The following CREB1 variants were observed in gnomAD, a reference collection of about 807,000 sequenced individuals.
CREB1 encodes cyclic AMP-responsive element-binding protein 1.
Under a neutral mutation model 42.0 loss-of-function variants are expected in CREB1, and 2 were observed. The observed-to-expected ratio is 0.05, with a 90% CI of 0.02 to 0.15. CREB1 has a LOEUF of 0.15. Ranked by LOEUF, CREB1 falls within the 10% of genes least tolerant of loss-of-function variation. The pLI, the probability that CREB1 is intolerant of heterozygous loss-of-function variation, is 1.00. For missense variants in CREB1, 199 were observed against 388.9 expected, an observed-to-expected ratio of 0.51 and a Z score of 4.11; for synonymous variants, 123 against 139.9, an observed-to-expected ratio of 0.88 and a Z score of 0.85.
At chr2:207,572,225 C>CAAAA in intron 5 of CREB1, among the ~76,000 whole-genome samples, 1 of 98,882 alleles carries the variant, frequency 1.0e-5, no homozygotes, top group Non-Finnish European at 2.0e-5. Context: ...GATTCCGTCT[C>CAAAA]AAAAAAAAAA....
At chr2:207,586,649 C>G (rs889345608) in intron 7 of CREB1, among the ~76,000 whole-genome samples, 1 of 152,172 alleles carries the variant, frequency 6.6e-6, no homozygotes, top group African/African-American at 2.4e-5. Flanking sequence ...TATTTACAAA[C>G]TGTTCATCTG....
At chr2:207,561,041 T>C in intron 3 of CREB1, 1 of 1,279,842 alleles carries the variant, frequency 7.8e-7, no homozygotes, top group South Asian at 1.2e-5. Flanking sequence ...CAATTGAGCT[T>C]ATTGAAAAAA....
intron 7 of CREB1, chr2:207,582,890 CA>C (rs1415517554): frequency 7.7e-5 from 22 of 286,816 alleles, no homozygotes; most frequent in Non-Finnish European, 8.2e-5. Flanking sequence ...GACTCTGTCT[CA>C]AAAAAACAAA....
chr2:207,554,462 C>A (rs2081637215), intron 1 of CREB1, among the ~76,000 whole-genome samples: 1 of 152,146 alleles, frequency 6.6e-6, no homozygotes, highest in African/African-American at 2.4e-5. Context: ...TAGTCCCTCA[C>A]TATTAACAAA....
chr2:207,534,418 G>A (rs2106333836), intron 1 of CREB1, among the ~76,000 whole-genome samples: 1 of 152,266 alleles, frequency 6.6e-6, no homozygotes, highest in South Asian at 2.1e-4. Flanking sequence ...TGTGTTTTTA[G>A]TAGAGACAGG....
chr2:207,550,604 TCTTTC>T (rs760131020), intron 1 of CREB1: 19 of 152,200 alleles, frequency 1.2e-4, no homozygotes, highest in African/African-American at 2.4e-5. Flanking sequence ...AAGTATGTAT[TCTTTC>T]CTTTTGCCTA....
At chr2:207,575,197 T>A (rs1174048396) in intron 5 of CREB1, 75 bp from the exon 6 acceptor site, 2 of 1,393,940 alleles carry the variant, frequency 1.4e-6, no homozygotes, top group Non-Finnish European at 2.0e-6. Flanking sequence ...TTACAAATTA[T>A]TCTACATTGG....
chr2:207,531,796 C>G (rs1016053160), intron 1 of CREB1, among the ~76,000 whole-genome samples: 7 of 152,192 alleles, frequency 4.6e-5, no homozygotes, highest in African/African-American at 1.7e-4. Flanking sequence ...TGATTGGCAG[C>G]AGAAGCACTG....
chr2:207,587,429 A>G (rs967357157), intron 7 of CREB1, among the ~76,000 whole-genome samples: 5 of 151,936 alleles, frequency 3.3e-5, no homozygotes, highest in Admixed American at 1.3e-4. Context: ...AAACACACAA[A>G]AAATAAAAGA....
chr2:207,549,610 C>T (rs190646568), intron 1 of CREB1, among the ~76,000 whole-genome samples: 62 of 152,272 alleles, frequency 4.1e-4, no homozygotes, highest in African/African-American at 1.5e-3. Flanking sequence ...TGCAGTGGCT[C>T]ACGCCTGTAG....
At chr2:207,571,119 T>C (rs1052091992) in intron 5 of CREB1, among the ~76,000 whole-genome samples, 19 of 151,686 alleles carry the variant, frequency 1.3e-4, no homozygotes, top group Non-Finnish European at 8.8e-5. Flanking sequence ...TATACCCTTT[T>C]CCCCACCCAC....
chr2:207,578,862 C>T (rs55834243), intron 7 of CREB1, among the ~76,000 whole-genome samples: 8,284 of 152,120 alleles, frequency 0.054, 312 homozygotes, highest in Admixed American at 0.083. Context: ...GCAATCTCAG[C>T]TCACTGCAGC....
Position 207,602,013 on chromosome 2 carries a change from T to C in CREB1, c.*4955T>C, listed in dbSNP as rs1325681427. On this transcript the variant is annotated 3_prime_UTR_variant, in exon 8 of 8. Coordinates refer to ENST00000353267, the MANE Select transcript of CREB1 (RefSeq NM_004379.5). ...ATTAATCTTTGAGGGGCTGAACATA[T>C]CATGAAGCTGAGTCAGTATGGAAAA... 2 of 206,268 alleles carry C rather than the reference T, an allele frequency of 9.7e-6. No individual in the cohort carries two copies. Among genetic ancestry groups the C allele is most frequent in the African/African-American group, 2.3e-5 (1 of 43,750 alleles). 12.8% of individuals were successfully genotyped at this position (206,268 alleles called of 1,614,324 possible). A position where few individuals can be genotyped will look rare whatever the true frequency, so the allele number is the denominator to read the frequency against.
At chr2:207,552,387 G>A (rs184443503) in intron 1 of CREB1, among the ~76,000 whole-genome samples, 11 of 152,024 alleles carry the variant, frequency 7.2e-5, no homozygotes, top group Admixed American at 7.2e-4. Context: ...GAAAGAAATG[G>A]TCAATCTGTG....
At chr2:207,579,545 G>A (rs539071319) in intron 7 of CREB1, among the ~76,000 whole-genome samples, 2 of 152,276 alleles carry the variant, frequency 1.3e-5, no homozygotes, top group African/African-American at 4.8e-5. Context: ...CCACCAACAA[G>A]TTAGGAACAG....
chr2:207,572,431 A>C (rs891897784), intron 5 of CREB1, among the ~76,000 whole-genome samples: 5 of 152,210 alleles, frequency 3.3e-5, no homozygotes, highest in African/African-American at 4.8e-5. Context: ...TAAAATGAAC[A>C]TATGGTTGTC....
intron 5 of CREB1, among the ~76,000 whole-genome samples, chr2:207,573,487 A>G (rs2082452702): frequency 6.6e-6 from 1 of 152,200 alleles, no homozygotes; most frequent in Admixed American, 6.5e-5. Context: ...TGTGATCCCA[A>G]CACTTGGGGA....
intron 1 of CREB1, among the ~76,000 whole-genome samples, chr2:207,538,845 G>A (rs1316980063): frequency 6.6e-6 from 1 of 152,112 alleles, no homozygotes; most frequent in Admixed American, 6.6e-5. Context: ...TTATCTACTT[G>A]TGAGTTTTTG....
At position 207,600,951 on chromosome 2, in the gene CREB1, C is replaced by A. The variant is rs1021464740; in HGVS notation, c.*3893C>A. Reference sequence around the variant, plus strand: ...TTTAATATTTAACAAATTTTTAATTCTATGATCAGCCACAGTCAGCTATTA... The same window carrying A: ...TTTAATATTTAACAAATTTTTAATTATATGATCAGCCACAGTCAGCTATTA... On this transcript the variant is annotated 3_prime_UTR_variant, in exon 8 of 8. Coordinates refer to ENST00000353267, the MANE Select transcript of CREB1 (RefSeq NM_004379.5). 27 of 194,890 alleles carry A rather than the reference C, an allele frequency of 1.4e-4. No individual in the cohort carries two copies. Among genetic ancestry groups the A allele is most frequent in the African/African-American group, 6.1e-4 (26 of 42,576 alleles). The allele number at this position is 194,890 out of a possible 1,614,324, so 12.1% of individuals were successfully genotyped here.
Sources: allele counts gnomAD v4.1 joint callset (sites outside exome capture counted in the v4.1 genomes callset), GRCh38; gene constraint gnomAD v4.1.1; transcripts MANE v1.5; gene names NCBI Gene and HGNC (gene_info 2026-07-23, HGNC 2026-07-21).